DLC1: variants seen among roughly 807,000 people sequenced by gnomAD.
DLC1 encodes the protein DLC1 Rho GTPase activating protein.
Under a neutral mutation model 140.3 loss-of-function variants are expected in DLC1, and 54 were observed. That is an observed-to-expected ratio of 0.38 (90% CI 0.31 to 0.48). The LOEUF is 0.48. Among genes scored for constraint, DLC1 ranks in the 20% least tolerant of loss-of-function variants. The probability of loss-of-function intolerance (pLI) is 0.96; values close to 1 mark genes in which losing one functional copy is unlikely to be tolerated. For synonymous variants in DLC1, 986 were observed against 728.1 expected (o/e 1.35, Z -5.70); for missense variants, 2,536 against 1,907.0 (o/e 1.33, Z -6.14).
chr8:13,142,463 T>C (rs1348766022), intron 5 of DLC1, among the ~76,000 whole-genome samples: 3 of 152,222 alleles, frequency 2.0e-5, no homozygotes, highest in Non-Finnish European at 4.4e-5. Context: ...AAAAGTCTGC[T>C]AAATTTCATA....
chr8:13,268,092 A>T (rs1830764411), intron 5 of DLC1, among the ~76,000 whole-genome samples: 1 of 152,198 alleles, frequency 6.6e-6, no homozygotes, highest in South Asian at 2.1e-4. Flanking sequence ...TTAAAGTATA[A>T]CTTCCAATTT....
chr8:13,334,331 G>T (rs554696078), intron 4 of DLC1, among the ~76,000 whole-genome samples: 56 of 152,136 alleles, frequency 3.7e-4, no homozygotes, highest in Non-Finnish European at 7.6e-4. Context: ...TGGGGGAGAA[G>T]AGAGGGACAA....
At chr8:13,588,233 C>T (rs757446471) in intron 1 of DLC1, among the ~76,000 whole-genome samples, 1 of 151,998 alleles carries the variant, frequency 6.6e-6, no homozygotes, top group Non-Finnish European at 1.5e-5. Flanking sequence ...AATAGACAAA[C>T]CCTGGTGCCC....
At position 13,376,448 on chromosome 8, in the gene DLC1, A is replaced by G. The variant is rs1052560718; in HGVS notation, c.1314+17105T>C. 2.6e-5 allele frequency among the ~76,000 whole-genome samples: 4 copies of G among 152,114 alleles called. No individual in the cohort carries two copies. In the East Asian group the frequency reaches 7.7e-4, roughly 29 times the overall value. On this transcript the variant is annotated intron_variant, in intron 4 of 17. Transcript: ENST00000276297. Reference sequence around the variant, plus strand: ...ATGGTTGACTCCCGGAATCCCACCCATCTATGAGGTGTAGAACCCCCTCCT... The same window carrying G: ...ATGGTTGACTCCCGGAATCCCACCCGTCTATGAGGTGTAGAACCCCCTCCT...
At chr8:13,277,131 G>T (rs1831203762) in intron 5 of DLC1, among the ~76,000 whole-genome samples, 1 of 152,012 alleles carries the variant, frequency 6.6e-6, no homozygotes, top group Admixed American at 6.6e-5. Context: ...GAACAGCTTG[G>T]GCAACAAACA....
intron 5 of DLC1, among the ~76,000 whole-genome samples, chr8:13,172,076 T>A (rs1825515694): frequency 6.6e-6 from 1 of 152,214 alleles, no homozygotes; most frequent in Non-Finnish European, 1.5e-5. Flanking sequence ...TAATTGTGCT[T>A]CATCTATATG....
intron 1 of DLC1, among the ~76,000 whole-genome samples, chr8:13,510,742 A>G (rs534942133): frequency 6.6e-6 from 1 of 152,306 alleles, no homozygotes; most frequent in South Asian, 2.1e-4. Flanking sequence ...GGCCTCATGT[A>G]ACTTTTAATT....
intron 2 of DLC1, among the ~76,000 whole-genome samples, chr8:13,448,487 C>T (rs1279912145): frequency 1.3e-5 from 2 of 151,908 alleles, no homozygotes; most frequent in African/African-American, 4.8e-5. Flanking sequence ...CTCAACCTCT[C>T]AAGTAGCTGG....
At chr8:13,596,121 A>T (rs763120673) in intron 1 of DLC1, among the ~76,000 whole-genome samples, 15 of 152,192 alleles carry the variant, frequency 9.9e-5, no homozygotes, top group Admixed American at 2.6e-4. Flanking sequence ...AGAGTGATGT[A>T]GAGAGAGTTA....
intron 5 of DLC1, among the ~76,000 whole-genome samples, chr8:13,255,760 G>T (rs1335474545): frequency 6.6e-6 from 1 of 152,134 alleles, no homozygotes; most frequent in Admixed American, 6.5e-5. Context: ...TACCAGTATA[G>T]CTTCTTTGTA....
At chr8:13,487,191 C>T (rs369900065) in intron 2 of DLC1, among the ~76,000 whole-genome samples, 2 of 152,166 alleles carry the variant, frequency 1.3e-5, no homozygotes, top group African/African-American at 2.4e-5. Flanking sequence ...AAAGAGTATA[C>T]TTTTGCAAGA....
At chr8:13,259,494 C>T (rs1007982903) in intron 5 of DLC1, among the ~76,000 whole-genome samples, 2 of 152,246 alleles carry the variant, frequency 1.3e-5, no homozygotes, top group Admixed American at 1.3e-4. Flanking sequence ...GATAAATCCA[C>T]CTGTCTATGG....
At chr8:13,517,496 T>C (rs563333814), upstream of DLC1, among the ~76,000 whole-genome samples, 2 of 152,344 alleles carry the variant, frequency 1.3e-5, no homozygotes, top group East Asian at 3.9e-4. Flanking sequence ...TTTTCATTGT[T>C]GAGTTGCTTG....
At position 13,467,215 on chromosome 8, in the gene DLC1, A is replaced by C. The variant is rs75538567; in HGVS notation, c.1023+31834T>G. Among the ~76,000 whole-genome samples, 701 of 152,278 alleles carry C rather than the reference A, an allele frequency of 4.6e-3. 5 individuals carry two copies. Among genetic ancestry groups the C allele is most frequent in the African/African-American group, 0.016 (664 of 41,562 alleles). On this transcript the variant is annotated intron_variant, in intron 2 of 17. Coordinates refer to ENST00000276297, the MANE Select transcript of DLC1 (RefSeq NM_182643.3). ...TTTCTTATTTCCAAATAATTGCCTG[A>C]TTATTCTTAGAGGGCTTACTTAGTA...
At chr8:13,410,485 C>CA (rs1837736671) in intron 2 of DLC1, among the ~76,000 whole-genome samples, 1 of 151,972 alleles carries the variant, frequency 6.6e-6, no homozygotes, top group South Asian at 2.1e-4. Flanking sequence ...ATAATTTCAA[C>CA]AAATCAAAGA....
At chr8:13,196,284 C>A (rs916410413) in intron 5 of DLC1, among the ~76,000 whole-genome samples, 4 of 152,072 alleles carry the variant, frequency 2.6e-5, no homozygotes, top group African/African-American at 9.7e-5. Context: ...CTAAAATGTT[C>A]TCATTTGTTA....
chr8:13,158,798 C>T (rs1824461662), intron 5 of DLC1, among the ~76,000 whole-genome samples: 1 of 127,694 alleles, frequency 7.8e-6, no homozygotes, highest in Non-Finnish European at 1.6e-5. Context: ...TTTTCTTTGA[C>T]ACCTCTGCAT....
exon 1 of DLC1, chr8:13,604,601 T>C (rs769210888): frequency 1.3e-5 from 2 of 152,186 alleles, no homozygotes; most frequent in Non-Finnish European, 2.9e-5. Context: ...CAATGTGTTG[T>C]CTGATAATCA....
chr8:13,397,077 A>G (rs1837078305), intron 3 of DLC1, among the ~76,000 whole-genome samples: 1 of 152,040 alleles, frequency 6.6e-6, no homozygotes, highest in African/African-American at 2.4e-5. Flanking sequence ...GGTTTTTATC[A>G]TGGCAGGGAC....
Sources: gnomAD v4.1 joint callset for allele counts (sites outside exome capture counted in the v4.1 genomes callset) on GRCh38, gnomAD v4.1.1 for gene constraint, MANE v1.5 for transcripts, NCBI Gene and HGNC (gene_info 2026-07-23, HGNC 2026-07-21) for gene names.